The following EFR3B variants were observed in gnomAD, a reference collection of about 807,000 sequenced individuals.
EFR3B encodes EFR3 homolog B.
In EFR3B, 64 loss-of-function variants were observed where a neutral mutation model predicts 104.7. That is an observed-to-expected ratio of 0.61 (90% CI 0.50 to 0.75). The LOEUF (loss-of-function observed/expected upper bound fraction) is 0.75, where lower values mean the gene tolerates loss of function less well. Ranked by LOEUF, EFR3B falls within the 30% of genes least tolerant of loss-of-function variation. The probability of loss-of-function intolerance (pLI) is 0.00; values close to 1 mark genes in which losing one functional copy is unlikely to be tolerated. For synonymous variants in EFR3B, 385 were observed against 417.9 expected, an observed-to-expected ratio of 0.92 and a Z score of 0.96; for missense variants, 750 against 1,078.5, an observed-to-expected ratio of 0.70 and a Z score of 4.27.
At chr2:25,061,746 T>A (rs1238213920) in intron 1 of EFR3B, among the ~76,000 whole-genome samples, 1 of 152,062 alleles carries the variant, frequency 6.6e-6, no homozygotes, top group Non-Finnish European at 1.5e-5. Context: ...TCCACCCGCC[T>A]TGGCCTCCCA....
intron 5 of EFR3B, among the ~76,000 whole-genome samples, chr2:25,124,738 C>CAA (rs34181444): frequency 5.5e-4 from 23 of 41,782 alleles, no homozygotes; most frequent in African/African-American, 5.9e-4. Flanking sequence ...GACTCTGTCT[C>CAA]AAAAAAAAAA....
At chr2:25,121,831 A>G in intron 5 of EFR3B, 37 bp downstream of exon 5, 1 of 1,551,622 alleles carries the variant, frequency 6.4e-7, no homozygotes, top group Non-Finnish European at 8.7e-7. Flanking sequence ...GGTTCAGCTT[A>G]CAGCAGAAGC....
At chr2:25,133,526 A>ATG (rs1670440514) in intron 12 of EFR3B, 92 bp downstream of exon 12, 2 of 1,316,846 alleles carry the variant, frequency 1.5e-6, no homozygotes, top group Non-Finnish European at 2.1e-6. Flanking sequence ...ACAGTCGTGC[A>ATG]TGTGGCATAC....
intron 19 of EFR3B, chr2:25,147,062 C>G (rs1326250220): frequency 6.6e-6 from 1 of 152,464 alleles, no homozygotes; most frequent in East Asian, 1.9e-4. Context: ...AATGCCACAT[C>G]TGAACCACCC....
chr2:25,105,765 G>T (rs1669545168), intron 4 of EFR3B, among the ~76,000 whole-genome samples: 1 of 152,118 alleles, frequency 6.6e-6, no homozygotes. Flanking sequence ...CATCCCTGGG[G>T]GCCACTGGAA....
rs11455802 is a variant in EFR3B at position 25,094,282 on chromosome 2, C to CAAAA, written c.212+1168_212+1171dup. On this transcript the variant is annotated intron_variant, in intron 3 of 22. Transcript: ENST00000403714. ...CCTGGGAGACAGATTGAGACTGTCTCAAAAAAAAAAAAAAAAAAAGAAAAA... is the reference window on the plus strand; with the variant it reads ...CCTGGGAGACAGATTGAGACTGTCTCAAAAAAAAAAAAAAAAAAAAAAAGAAAAA... Among the ~76,000 whole-genome samples, 1,462 of 91,480 alleles carry CAAAA rather than the reference C, an allele frequency of 0.016. 113 individuals carry two copies. In the East Asian group the frequency reaches 0.21, roughly 13 times the overall value. 60.0% of individuals were successfully genotyped at this position (91,480 alleles called of 152,430 possible). A position where few individuals can be genotyped will look rare whatever the true frequency, so the allele number is the denominator to read the frequency against.
In EFR3B at chr2:25,103,518, G is replaced by A. The variant is rs908261578; in HGVS notation, c.213-119G>A. On this transcript the variant is annotated intron_variant, in intron 3 of 22. Coordinates refer to ENST00000403714, the MANE Select transcript of EFR3B (RefSeq NM_014971.2). ...TATCCAGACGTTGGCAGCCTGTGGG[G>A]GAGCCTCATTACCCGGATGCTGCAT... 1.5e-5 allele frequency: 20 copies of A among 1,368,072 alleles called. No individual in the cohort carries two copies. The African/African-American group carries it at 2.0e-4, about 14-fold the overall frequency. 84.7% of individuals were successfully genotyped at this position (1,368,072 alleles called of 1,614,324 possible).
chr2:25,152,558 G>A (rs1430867172), intron 21 of EFR3B, among the ~76,000 whole-genome samples: 1 of 152,042 alleles, frequency 6.6e-6, no homozygotes, highest in Non-Finnish European at 1.5e-5. Context: ...CTTGGCAGGG[G>A]GATGGAACAG....
At chr2:25,128,056 C>T (rs1020599171) in intron 5 of EFR3B, 127 bp from the exon 6 acceptor site, 2 of 1,075,776 alleles carry the variant, frequency 1.9e-6, no homozygotes, top group African/African-American at 3.2e-5. Context: ...AGCAGCTGGT[C>T]TCCATTCTGC....
chr2:25,047,003 A>G (rs1270198984), intron 1 of EFR3B, among the ~76,000 whole-genome samples: 1 of 150,578 alleles, frequency 6.6e-6, no homozygotes, highest in Non-Finnish European at 1.5e-5. Flanking sequence ...TACCACTCCA[A>G]CTCCTTTATT....
rs1473877116 is a variant in EFR3B at position 25,156,764 on chromosome 2, TTTAAA to T, written c.*2429_*2433del. The stretch of plus-strand genomic sequence containing the variant: ...AGTATTTATATATTTAAAAACCAAG[TTTAAA>T]TTAACTCAAACTTGACAGCAACTAA... On this transcript the variant is annotated 3_prime_UTR_variant, in exon 23 of 23. Transcript: ENST00000403714. 1 of 152,160 alleles carries T rather than the reference TTTAAA, an allele frequency of 6.6e-6. No homozygotes were observed. Among genetic ancestry groups the T allele is most frequent in the Non-Finnish European group, 1.5e-5 (1 of 68,022 alleles). The allele number at this position is 152,160 out of a possible 1,614,324, so 9.4% of individuals were successfully genotyped here. A position where few individuals can be genotyped will look rare whatever the true frequency, so the allele number is the denominator to read the frequency against.
At chr2:25,129,339 G>T (rs1198438513) in intron 6 of EFR3B, among the ~76,000 whole-genome samples, 2 of 138,846 alleles carry the variant, frequency 1.4e-5, no homozygotes, top group Non-Finnish European at 3.1e-5. Context: ...GGCGGGGGCG[G>T]GGGCGGGGGC....
At chr2:25,135,902 G>C (rs541249644) in intron 13 of EFR3B, among the ~76,000 whole-genome samples, 1 of 152,336 alleles carries the variant, frequency 6.6e-6, no homozygotes, top group East Asian at 1.9e-4. Flanking sequence ...AGATTTGGAA[G>C]ATAGAGAGTA....
chr2:25,042,669 T>C lies in EFR3B; in HGVS notation c.7+350T>C. ...CATTTGCGGAATTAACAAAAGCGGT[T>C]TGTGCCTGGGAGTTTTCTGTGGGAA... On this transcript the variant is annotated intron_variant, in intron 1 of 22. Coordinates refer to ENST00000403714, the MANE Select transcript of EFR3B (RefSeq NM_014971.2). The surrounding 1 kb of genome is among the most constrained non-coding windows in gnomAD (Gnocchi z 5.4). 9.6e-7 allele frequency: 1 copy of C among 1,039,834 alleles called. No individual in the cohort carries two copies. The highest frequency in any genetic ancestry group is 4.6e-5 in the South Asian group (1 of 21,832). The allele number at this position is 1,039,834 out of a possible 1,614,324, so 64.4% of individuals were successfully genotyped here.
chr2:25,127,191 C>CAA (rs57818903), intron 5 of EFR3B, among the ~76,000 whole-genome samples: 773 of 50,658 alleles, frequency 0.015, no homozygotes, highest in Middle Eastern at 0.028. Flanking sequence ...GACTCCACCT[C>CAA]AAAAAAAAAA....
chr2:25,097,929 C>G (rs1669329000), intron 3 of EFR3B, among the ~76,000 whole-genome samples: 1 of 152,118 alleles, frequency 6.6e-6, no homozygotes, highest in African/African-American at 2.4e-5. Context: ...CTCACCCAGC[C>G]AGGACCAAGC....
In EFR3B at chr2:25,131,539, C is replaced by G. The variant is rs770005463; in HGVS notation, c.985+36C>G. The G allele has an allele frequency of 6.5e-7, 1 of 1,544,250 alleles. No homozygotes were observed. On this transcript the variant is annotated intron_variant, in intron 9 of 22. Coordinates refer to ENST00000403714, the MANE Select transcript of EFR3B (RefSeq NM_014971.2). This position sits in a 1 kb window ranked among gnomAD's most constrained non-coding sequence, Gnocchi z 7.6. ...TGGCTAGGGCCTGAGGGCCGGGGAC[C>G]CCGCGGAGGCTGCCGCCTCTTACAG...
intron 1 of EFR3B, among the ~76,000 whole-genome samples, chr2:25,054,123 A>T (rs1667956519): frequency 6.6e-6 from 1 of 152,060 alleles, no homozygotes; most frequent in Non-Finnish European, 1.5e-5. Context: ...GTCCCAGATG[A>T]CCGTCTTCCA....
intron 2 of EFR3B, among the ~76,000 whole-genome samples, 160 bp from the exon 3 acceptor site, chr2:25,092,843 T>G (rs776578711): frequency 1.3e-4 from 20 of 152,232 alleles, no homozygotes; most frequent in Non-Finnish European, 2.9e-4. Flanking sequence ...TAAAACTATG[T>G]TTTAATCATC....
Sources: allele counts gnomAD v4.1 joint callset (sites outside exome capture counted in the v4.1 genomes callset), GRCh38; gene constraint gnomAD v4.1.1; non-coding constraint Gnocchi (gnomAD v3.1); transcripts MANE v1.5; gene names NCBI Gene and HGNC (gene_info 2026-07-23, HGNC 2026-07-21).